The following CALN1 variants were observed in gnomAD, a reference collection of about 807,000 sequenced individuals.
CALN1 encodes the protein calcium-binding protein 8.
In CALN1, 17 loss-of-function variants were observed where a neutral mutation model predicts 30.6. The ratio of observed to expected loss-of-function variants is 0.56; its 90% CI spans 0.38 to 0.83. The LOEUF (loss-of-function observed/expected upper bound fraction) is 0.83, where lower values mean the gene tolerates loss of function less well. Among genes scored for constraint, CALN1 ranks in the 40% least tolerant of loss-of-function variants. CALN1 has a pLI of 0.00. For synonymous variants in CALN1, 156 were observed against 131.4 expected (o/e 1.19, Z -1.28); for missense variants, 291 against 354.9 (o/e 0.82, Z 1.45).
intron 2 of CALN1, chr7:72,336,821 G>C (rs1230995881): frequency 1.0e-6 from 1 of 984,988 alleles, no homozygotes. Context: ...CGAGCGGGCA[G>C]CGCTCAGCCT....
rs1182514416 is a variant in CALN1, at chr7:71,866,414, T to C, written c.502-55922A>G. Among the ~76,000 whole-genome samples, 3 of 152,122 alleles carry C rather than the reference T, an allele frequency of 2.0e-5. No homozygotes were observed. The East Asian group carries it at 5.8e-4, about 29-fold the overall frequency. On this transcript the variant is annotated intron_variant, in intron 5 of 6. Transcript: ENST00000395275. ...TGTATATTATGCAATATACATATTA[T>C]ATATGTAATAGATCTTATAGACATT...
chr7:72,387,397 G>A (rs1215673636), intron 2 of CALN1, among the ~76,000 whole-genome samples: 1 of 152,036 alleles, frequency 6.6e-6, no homozygotes, highest in African/African-American at 2.4e-5. Flanking sequence ...CTTAAGTGTA[G>A]TCTGTGCAGT....
At chr7:72,308,129 C>T (rs10253915) in intron 2 of CALN1, among the ~76,000 whole-genome samples, 46,794 of 151,668 alleles carry the variant, frequency 0.31, 7,728 homozygotes, top group Non-Finnish European at 0.37. Context: ...TTTGGGGGGC[C>T]GAGGCAGGTG....
chr7:72,102,019 T>A (rs1436814688), intron 4 of CALN1, among the ~76,000 whole-genome samples: 1 of 152,162 alleles, frequency 6.6e-6, no homozygotes, highest in African/African-American at 2.4e-5. Context: ...TCAAATGCAG[T>A]CATTTTTCAA....
At chr7:72,143,963 C>A (rs1020486025) in intron 3 of CALN1, among the ~76,000 whole-genome samples, 26 of 152,200 alleles carry the variant, frequency 1.7e-4, no homozygotes, top group African/African-American at 5.1e-4. Context: ...CCTACAAGAG[C>A]TCCTGAATGA....
chr7:71,853,522 G>T (rs529267049), intron 5 of CALN1, among the ~76,000 whole-genome samples: 4 of 151,920 alleles, frequency 2.6e-5, no homozygotes, highest in African/African-American at 9.6e-5. Context: ...ATGTATGATA[G>T]ATCTTTTGAA....
At chr7:72,239,398 A>AAAATAAAT (rs140300719) in intron 3 of CALN1, among the ~76,000 whole-genome samples, 8 of 152,048 alleles carry the variant, frequency 5.3e-5, no homozygotes, top group African/African-American at 1.7e-4. Context: ...CTTGTCCCTA[A>AAAATAAAT]AAATAAATAA....
chr7:72,444,180 G>A (rs760490809), intron 1 of CALN1, among the ~76,000 whole-genome samples: 4 of 151,678 alleles, frequency 2.6e-5, no homozygotes, highest in Non-Finnish European at 4.4e-5. Flanking sequence ...CGGTTATCCC[G>A]TTTCAGAGCC....
chr7:71,918,799 A>G (rs1241950091), intron 5 of CALN1, among the ~76,000 whole-genome samples: 1 of 152,110 alleles, frequency 6.6e-6, no homozygotes, highest in African/African-American at 2.4e-5. Context: ...TTGGAATTCT[A>G]TCCATCTCTT....
intron 3 of CALN1, among the ~76,000 whole-genome samples, chr7:72,186,625 T>TA (rs1790208281): frequency 6.6e-6 from 1 of 152,114 alleles, no homozygotes; most frequent in South Asian, 2.1e-4. Context: ...TGTCCATGAG[T>TA]ACCCAATGGT....
chr7:72,169,600 G>A (rs1788794140), intron 3 of CALN1, among the ~76,000 whole-genome samples: 1 of 151,702 alleles, frequency 6.6e-6, no homozygotes, highest in Non-Finnish European at 1.5e-5. Context: ...TGAGGTTACA[G>A]GCTTGAGCCA....
At chr7:72,289,361 A>C (rs1562844157) in intron 2 of CALN1, among the ~76,000 whole-genome samples, 1 of 152,128 alleles carries the variant, frequency 6.6e-6, no homozygotes, top group Admixed American at 6.6e-5. Context: ...GCCAATAACT[A>C]TTTTCCAGAC....
At chr7:72,074,103 C>G (rs1016313558) in intron 4 of CALN1, among the ~76,000 whole-genome samples, 3 of 152,120 alleles carry the variant, frequency 2.0e-5, no homozygotes, top group African/African-American at 7.2e-5. Context: ...AACTAACCAT[C>G]GTATAGCAGG....
intron 2 of CALN1, among the ~76,000 whole-genome samples, chr7:72,342,664 T>C (rs1379830855): frequency 6.6e-6 from 1 of 152,142 alleles, no homozygotes; most frequent in Admixed American, 6.6e-5. Flanking sequence ...AGCTTTGGGA[T>C]TCAGAGTTAC....
At chr7:72,054,391 G>A (rs758632113) in intron 4 of CALN1, among the ~76,000 whole-genome samples, 7 of 81,602 alleles carry the variant, frequency 8.6e-5, no homozygotes, top group Non-Finnish European at 1.5e-4. Context: ...CTTGTTGGCT[G>A]CATATATGTA....
chr7:71,824,755 T>A (rs963553220), intron 5 of CALN1, among the ~76,000 whole-genome samples: 1 of 152,188 alleles, frequency 6.6e-6, no homozygotes, highest in Admixed American at 6.5e-5. Flanking sequence ...TCTGCCCATC[T>A]GCAAAAGGCA....
rs112412566 is a variant in CALN1, at chr7:72,149,091, T to C, written c.245-42797A>G. Among the ~76,000 whole-genome samples the C allele has an allele frequency of 4.6e-5, 7 of 152,220 alleles. No homozygotes were observed. The South Asian group carries it at 1.5e-3, about 32-fold the overall frequency. On this transcript the variant is annotated intron_variant, in intron 3 of 6. Transcript: ENST00000395275. ...GTTTCCCTTCACCTTCTGCCATAAG[T>C]ATAAGCTCCCTGAGTCCTCTCCAGA...
chr7:71,856,529 A>G, intron 5 of CALN1, among the ~76,000 whole-genome samples: 1 of 152,344 alleles, frequency 6.6e-6, no homozygotes. Flanking sequence ...ATGTATATAT[A>G]TGAACATATA....
intron 5 of CALN1, among the ~76,000 whole-genome samples, chr7:71,949,157 G>C (rs895840742): frequency 6.6e-6 from 1 of 151,668 alleles, no homozygotes; most frequent in Non-Finnish European, 1.5e-5. Context: ...TGGACATTCA[G>C]AGTAAGGAAG....
Sources: allele counts gnomAD v4.1 joint callset (sites outside exome capture counted in the v4.1 genomes callset), GRCh38; gene constraint gnomAD v4.1.1; transcripts MANE v1.5; gene names NCBI Gene and HGNC (gene_info 2026-07-23, HGNC 2026-07-21).